The following STAB2 variants were observed in gnomAD, a reference collection of about 807,000 sequenced individuals.
The protein encoded by STAB2 is stabilin 2.
Under a neutral mutation model 338.1 loss-of-function variants are expected in STAB2, and 288 were observed. The ratio of observed to expected loss-of-function variants is 0.85; its 90% CI spans 0.77 to 0.94. The LOEUF is 0.94. STAB2 is among the 40% of genes least tolerant of loss of function. The pLI, the probability that STAB2 is intolerant of heterozygous loss-of-function variation, is 0.00. For synonymous variants in STAB2, 1,202 were observed against 1,193.3 expected, an observed-to-expected ratio of 1.01 and a Z score of -0.15; for missense variants, 3,141 against 3,210.1, an observed-to-expected ratio of 0.98 and a Z score of 0.52.
chr12:103,716,272 G>C (rs1204236310), intron 43 of STAB2, among the ~76,000 whole-genome samples: 1 of 152,144 alleles, frequency 6.6e-6, no homozygotes, highest in Non-Finnish European at 1.5e-5. Context: ...ATAATACTGT[G>C]GGCACTCTAC....
At chr12:103,665,981 C>A (rs540341801) in intron 18 of STAB2, among the ~76,000 whole-genome samples, 1 of 152,364 alleles carries the variant, frequency 6.6e-6, no homozygotes, top group South Asian at 2.1e-4. Flanking sequence ...TGCCTCCCTG[C>A]ATGCAGAGAA....
chr12:103,625,614 G>T (rs550335060), intron 5 of STAB2, among the ~76,000 whole-genome samples: 34 of 152,174 alleles, frequency 2.2e-4, no homozygotes, highest in African/African-American at 7.7e-4. Context: ...GCGGTGTTTG[G>T]TTTTTTGTCC....
At chr12:103,594,094 G>A (rs113303339) in intron 2 of STAB2, among the ~76,000 whole-genome samples, 66 of 152,048 alleles carry the variant, frequency 4.3e-4, no homozygotes, top group Non-Finnish European at 7.9e-4. Flanking sequence ...ATAAGTTTTA[G>A]GTATACTTCT....
intron 68 of STAB2, among the ~76,000 whole-genome samples, chr12:103,765,557 G>A (rs1884881385): frequency 6.6e-6 from 1 of 152,148 alleles, no homozygotes; most frequent in South Asian, 2.1e-4. Context: ...GCTTGGCATG[G>A]CCACCTCTAG....
In STAB2 at chr12:103,745,365, G is replaced by A. The variant is rs11111741; in HGVS notation, c.6136+88G>A. ...TACAAGTGAGGTTGGGAGTCTGAGT[G>A]ACATCTGAAAAAAGTGACAAAGCAG... On this transcript the variant is annotated intron_variant, in intron 57 of 68. Coordinates refer to ENST00000388887, the MANE Select transcript of STAB2 (RefSeq NM_017564.10). 477 of 1,222,092 alleles carry A rather than the reference G, an allele frequency of 3.9e-4. 2 individuals are homozygous for A. In the East Asian group the frequency reaches 0.012, roughly 31 times the overall value. The allele number at this position is 1,222,092 out of a possible 1,614,324, so 75.7% of individuals were successfully genotyped here. A position where few individuals can be genotyped will look rare whatever the true frequency, so the allele number is the denominator to read the frequency against.
intron 34 of STAB2, among the ~76,000 whole-genome samples, chr12:103,701,038 G>A (rs1032408036): frequency 2.0e-4 from 28 of 142,488 alleles, no homozygotes; most frequent in Non-Finnish European, 3.9e-4. Flanking sequence ...AGAGTGTGAT[G>A]TTCCCCTTCC....
chr12:103,737,834 C>T, intron 53 of STAB2, 54 bp downstream of exon 53: 1 of 1,607,394 alleles, frequency 6.2e-7, no homozygotes, highest in Non-Finnish European at 8.5e-7. Flanking sequence ...AAGAATGGCC[C>T]TCATGATCCA....
At chr12:103,665,704 A>C (rs1423859997) in intron 18 of STAB2, among the ~76,000 whole-genome samples, 1 of 152,006 alleles carries the variant, frequency 6.6e-6, no homozygotes, top group African/African-American at 2.4e-5. Flanking sequence ...CTGGCAAGGG[A>C]GCTTGAGAAC....
intron 22 of STAB2, 141 bp downstream of exon 22, chr12:103,670,948 G>C: frequency 1.4e-6 from 1 of 690,260 alleles, no homozygotes. Context: ...ATTAAGCTTT[G>C]GTTCTCAAAC....
chr12:103,746,726 G>A (rs369323762), intron 58 of STAB2, 22 bp downstream of exon 58: 150 of 1,610,578 alleles, frequency 9.3e-5, no homozygotes, highest in Non-Finnish European at 1.2e-4. Context: ...TTGTGCACAG[G>A]TGAAATAGCA....
intron 3 of STAB2, among the ~76,000 whole-genome samples, chr12:103,597,581 T>C (rs1389993816): frequency 6.6e-6 from 1 of 152,164 alleles, no homozygotes; most frequent in Admixed American, 6.5e-5. Context: ...AAAATAATAT[T>C]ATCTTGACAT....
At chr12:103,724,416 T>A (rs887711377) in intron 44 of STAB2, among the ~76,000 whole-genome samples, 1 of 152,158 alleles carries the variant, frequency 6.6e-6, no homozygotes, top group Non-Finnish European at 1.5e-5. Flanking sequence ...AAGGGGCCTA[T>A]GGGGTCAGGT....
intron 3 of STAB2, among the ~76,000 whole-genome samples, chr12:103,619,369 A>G (rs1957261681): frequency 6.6e-6 from 1 of 152,192 alleles, no homozygotes; most frequent in South Asian, 2.1e-4. Context: ...CTCAAAGTGT[A>G]GAACAACAGC....
intron 23 of STAB2, among the ~76,000 whole-genome samples, chr12:103,674,932 G>T (rs1451415000): frequency 2.0e-5 from 3 of 152,156 alleles, no homozygotes; most frequent in Non-Finnish European, 4.4e-5. Context: ...CTATATCGGT[G>T]CATAAGGCAA....
At chr12:103,611,240 C>G (rs993654759) in intron 3 of STAB2, among the ~76,000 whole-genome samples, 1 of 152,108 alleles carries the variant, frequency 6.6e-6, no homozygotes. Context: ...TCCTGGATAT[C>G]CTTGTTAACT....
At chr12:103,728,767 A>G in intron 47 of STAB2, 82 bp from the exon 48 acceptor site, 3 of 1,562,674 alleles carry the variant, frequency 1.9e-6, no homozygotes, top group Non-Finnish European at 2.6e-6. Flanking sequence ...TGGAAGAGAG[A>G]ATGGAGGACA....
At chr12:103,765,832 A>G (rs183497043) in intron 68 of STAB2, among the ~76,000 whole-genome samples, 8 of 152,308 alleles carry the variant, frequency 5.3e-5, no homozygotes, top group African/African-American at 1.7e-4. Flanking sequence ...GCGAGCCACC[A>G]TGCCCGGCTG....
chr12:103,662,196 C>A (rs1000773890), intron 17 of STAB2, among the ~76,000 whole-genome samples: 3 of 152,076 alleles, frequency 2.0e-5, no homozygotes, highest in African/African-American at 7.2e-5. Flanking sequence ...ATTATTTTTG[C>A]ACCAACCTAA....
chr12:103,647,655 G>T (rs1014507306), intron 9 of STAB2, among the ~76,000 whole-genome samples: 8 of 152,188 alleles, frequency 5.3e-5, no homozygotes, highest in Non-Finnish European at 1.2e-4. Context: ...TCACAAGAGG[G>T]TTAGCATCAT....
Sources: gnomAD v4.1 joint callset for allele counts (sites outside exome capture counted in the v4.1 genomes callset) on GRCh38, gnomAD v4.1.1 for gene constraint, MANE v1.5 for transcripts, NCBI Gene and HGNC (gene_info 2026-07-23, HGNC 2026-07-21) for gene names.